FAT4: variants seen among roughly 807,000 people sequenced by gnomAD.
FAT4 encodes the protein protocadherin Fat 4.
FAT4 carries 84 observed loss-of-function variants against 303.9 expected under a neutral mutation model. That is an observed-to-expected ratio of 0.28 (90% CI 0.23 to 0.33). The LOEUF is 0.33. Among genes scored for constraint, FAT4 ranks in the 10% least tolerant of loss-of-function variants. The probability of loss-of-function intolerance (pLI) is 1.00; values close to 1 mark genes in which losing one functional copy is unlikely to be tolerated. For synonymous variants in FAT4, 2,307 were observed against 2,298.8 expected (o/e 1.00, Z -0.10); for missense variants, 6,005 against 6,146.8 (o/e 0.98, Z 0.77).
intron 10 of FAT4, among the ~76,000 whole-genome samples, chr4:125,458,398 T>C (rs539013877): frequency 6.6e-6 from 1 of 152,136 alleles, no homozygotes; most frequent in East Asian, 1.9e-4. Context: ...AGTGATTCTT[T>C]TAAAATTACT....
At chr4:125,358,764 G>A (rs1167918109) in intron 2 of FAT4, among the ~76,000 whole-genome samples, 1 of 152,108 alleles carries the variant, frequency 6.6e-6, no homozygotes, top group African/African-American at 2.4e-5. Context: ...TGGCCCAGGG[G>A]TTGGGGACCC....
chr4:125,355,476 G>A (rs548018379), intron 2 of FAT4, among the ~76,000 whole-genome samples: 2 of 152,024 alleles, frequency 1.3e-5, no homozygotes, highest in South Asian at 2.1e-4. Flanking sequence ...ATAATATTAC[G>A]AACTTGGTTT....
In FAT4 at chr4:125,317,831, G is replaced by C. The variant is rs753978592; in HGVS notation, c.1420G>C (p.Val474Leu). 1.2e-6 allele frequency: 2 copies of C among 1,614,208 alleles called. No individual in the cohort carries two copies. The highest frequency in any genetic ancestry group is 1.7e-5 in the Admixed American group (1 of 60,034). ...FVNDINDHPP[V>L]FSQQVYRVNL... is the part of the protein sequence containing the mutation. ...TAATGACATCAATGACCATCCTCCT[G>C]TCTTTTCACAGCAAGTGTACAGAGT... is the stretch of plus-strand genomic sequence containing the variant. Residue 474 changes from valine to leucine, a missense_variant, in exon 2 of 18, where the codon GTC (valine) becomes CTC (leucine). Transcript: ENST00000394329. This position sits in a 1 kb window ranked among gnomAD's most constrained non-coding sequence, Gnocchi z 7.0.
intron 8 of FAT4, 27 bp from the exon 9 acceptor site, chr4:125,446,264 CAT>C: frequency 1.3e-6 from 2 of 1,594,272 alleles, no homozygotes; most frequent in Non-Finnish European, 1.7e-6. Flanking sequence ...AACTATATGA[CAT>C]ATCCCTATTT....
In FAT4 at chr4:125,449,325, C is replaced by G; in HGVS notation, c.8315C>G (p.Ala2772Gly). ...AACATTTTAGATGAAAATGATAATG[C>G]CCCTAGGTTTTCTCAGATATTTAGT... is the stretch of plus-strand genomic sequence containing the variant. ...MINILDENDN[A>G]PRFSQIFSAH... The change falls in exon 10 of 18, where the codon GCC becomes GGC. Residue 2772 changes from alanine (A) to glycine (G), a missense_variant. Ala to Gly is a moderately conservative substitution (Grantham distance 60). Transcript: ENST00000394329. 6.2e-7 allele frequency: 1 copy of G among 1,613,844 alleles called. No individual in the cohort carries two copies.
chr4:125,434,310 C>G lies in FAT4; in HGVS notation c.7084C>G (p.Pro2362Ala). The change falls in exon 8 of 18, where the codon CCC (proline) becomes GCC (alanine). Residue 2362 changes from proline (P) to alanine (A), a missense_variant. Coordinates refer to ENST00000394329, the MANE Select transcript of FAT4 (RefSeq NM_001291303.3). ...VIVDDVNDNV[P>A]TFASKAYFTT... ...AGTAGATGATGTCAATGACAATGTC[C>G]CCACATTTGCCAGTAAAGCGTATTT... 6.2e-7 allele frequency: 1 copy of G among 1,613,918 alleles called. No individual in the cohort carries two copies. Among genetic ancestry groups the G allele is most frequent in the Non-Finnish European group, 8.5e-7 (1 of 1,179,924 alleles).
intron 3 of FAT4, among the ~76,000 whole-genome samples, chr4:125,400,713 G>GT (rs5861719): frequency 0.51 from 28,107 of 55,206 alleles, 2,871 homozygotes; most frequent in East Asian, 0.6. Context: ...TGTTTTTTAA[G>GT]TTTAAAAAAA....
At chr4:125,358,193 G>C (rs901723593) in intron 2 of FAT4, among the ~76,000 whole-genome samples, 1 of 151,980 alleles carries the variant, frequency 6.6e-6, no homozygotes, top group African/African-American at 2.4e-5. Context: ...AAATTTACCT[G>C]TTATGTTAGG....
rs758343777 is a variant in FAT4 at position 125,320,489 on chromosome 4, C to A, written c.4078C>A (p.His1360Asn). 1.2e-6 allele frequency: 2 copies of A among 1,614,064 alleles called. No individual in the cohort carries two copies. The highest frequency in any genetic ancestry group is 1.7e-6 in the Non-Finnish European group (2 of 1,179,992). The change falls in exon 2 of 18, where the codon CAC (histidine) becomes AAC (asparagine). Residue 1360 changes from histidine (H) to asparagine (N), a missense_variant. Transcript: ENST00000394329. The part of the protein sequence containing the change: ...LYYSITGTNN[H>N]GTFSISPNTG... Reference sequence around the variant, plus strand: ...TTACAGTATTACTGGGACTAACAACCACGGAACTTTTAGCATTAGCCCAAA... The same window carrying A: ...TTACAGTATTACTGGGACTAACAACAACGGAACTTTTAGCATTAGCCCAAA...
At chr4:125,363,946 A>G (rs1732766526) in intron 2 of FAT4, among the ~76,000 whole-genome samples, 1 of 152,106 alleles carries the variant, frequency 6.6e-6, no homozygotes, top group Non-Finnish European at 1.5e-5. Context: ...TTCCTGGAAA[A>G]CTTTTAATGC....
Position 125,483,017 on chromosome 4 carries a change from C to T in FAT4, c.12822+1279C>T, listed in dbSNP as rs141581846. ...TTGGGAGAGTACTTCTGGCGTCTAGCGGTAGAGGTCAAGAATGCTGCTAAA... is the reference window on the plus strand; with the variant it reads ...TTGGGAGAGTACTTCTGGCGTCTAGTGGTAGAGGTCAAGAATGCTGCTAAA... On this transcript the variant is annotated intron_variant, in intron 16 of 17. Transcript: ENST00000394329. 2.1e-3 allele frequency among the ~76,000 whole-genome samples: 317 copies of T among 152,232 alleles called. 3 individuals carry two copies. Among genetic ancestry groups the T allele is most frequent in the Middle Eastern group, 0.01 (3 of 294 alleles).
Position 125,320,571 on chromosome 4 carries a change from A to C in FAT4, c.4160A>C (p.Lys1387Thr), listed in dbSNP as rs771406978. The change falls in exon 2 of 18, where the codon AAA becomes ACA. Residue 1387 changes from lysine (K) to threonine (T), a missense_variant. By Grantham distance (78) the Lys-to-Thr change is moderately conservative. Transcript: ENST00000394329. The part of the protein sequence containing the change: ...KLDFETQSLY[K>T]LNITAKDQGR... ...GACTTTGAAACACAGTCTTTGTATA[A>C]ATTAAATATAACAGCAAAAGACCAA... The C allele has an allele frequency of 6.2e-7, 1 of 1,613,896 alleles. No homozygotes were observed. The highest frequency in any genetic ancestry group is 1.3e-5 in the African/African-American group (1 of 74,912).
chr4:125,401,493 C>T (rs2126015005), intron 3 of FAT4, among the ~76,000 whole-genome samples: 1 of 151,966 alleles, frequency 6.6e-6, no homozygotes, highest in African/African-American at 2.4e-5. Context: ...TGTAGGTCAT[C>T]AGCCAATTGT....
intron 2 of FAT4, among the ~76,000 whole-genome samples, chr4:125,339,568 A>G (rs1277563300): frequency 6.6e-6 from 1 of 152,222 alleles, no homozygotes; most frequent in Non-Finnish European, 1.5e-5. Flanking sequence ...GAACATTAAC[A>G]GCAACTACCT....
chr4:125,474,384 C>T (rs1207079650), intron 12 of FAT4, among the ~76,000 whole-genome samples: 1 of 151,922 alleles, frequency 6.6e-6, no homozygotes, highest in Non-Finnish European at 1.5e-5. Context: ...AAACCTAATA[C>T]TGCTTTTGAG....
intron 7 of FAT4, among the ~76,000 whole-genome samples, chr4:125,420,231 A>G (rs1735236833): frequency 6.6e-6 from 1 of 152,200 alleles, no homozygotes; most frequent in Admixed American, 6.6e-5. Flanking sequence ...ATATATGAGT[A>G]TATAGAGTTT....
chr4:125,436,051 G>A (rs1438545078), intron 8 of FAT4, among the ~76,000 whole-genome samples: 1 of 142,480 alleles, frequency 7.0e-6, no homozygotes, highest in African/African-American at 2.6e-5. Flanking sequence ...GGGGTCGGGG[G>A]AGGGGGGGAG....
intron 2 of FAT4, among the ~76,000 whole-genome samples, chr4:125,390,222 T>C (rs1384658160): frequency 1.3e-5 from 2 of 152,160 alleles, no homozygotes; most frequent in Non-Finnish European, 2.9e-5. Flanking sequence ...GAAATTTAAC[T>C]CTATACTTGA....
At chr4:125,444,144 C>A (rs988315) in intron 8 of FAT4, among the ~76,000 whole-genome samples, 151,264 of 152,290 alleles carry the variant, frequency 0.99, 75,128 homozygotes, top group Middle Eastern at 1. Context: ...AGAATTTATA[C>A]CATAGGTTTC....
Sources: gnomAD v4.1 joint callset for allele counts (sites outside exome capture counted in the v4.1 genomes callset) on GRCh38, gnomAD v4.1.1 for gene constraint, Gnocchi (gnomAD v3.1) non-coding constraint, MANE v1.5 for transcripts, NCBI Gene and HGNC (gene_info 2026-07-23, HGNC 2026-07-21) for gene names.